MET: variants seen among roughly 807,000 people sequenced by gnomAD.
MET encodes the protein hepatocyte growth factor receptor.
In MET, 48 loss-of-function variants were observed where a neutral mutation model predicts 133.1. The ratio of observed to expected loss-of-function variants is 0.36; its 90% confidence interval spans 0.29 to 0.46. The LOEUF is 0.46. Among genes scored for constraint, MET ranks in the 20% least tolerant of loss-of-function variants. MET has a pLI of 1.00. For synonymous variants in MET, 628 were observed against 616.5 expected, an observed-to-expected ratio of 1.02 and a Z score of -0.28; for missense variants, 1,442 against 1,695.9, an observed-to-expected ratio of 0.85 and a Z score of 2.63.
intron 2 of MET, among the ~76,000 whole-genome samples, chr7:116,703,550 A>G (rs1475551041): frequency 2.0e-5 from 3 of 152,138 alleles, no homozygotes; most frequent in Non-Finnish European, 2.9e-5. Context: ...TGTAGGGAGA[A>G]AAAACCCTCA....
At chr7:116,677,035 A>T in intron 1 of MET, among the ~76,000 whole-genome samples, 1 of 149,576 alleles carries the variant, frequency 6.7e-6, no homozygotes, top group East Asian at 2.0e-4. Flanking sequence ...TTTGTTTTGC[A>T]TCCGCCTGGT....
At chr7:116,764,824 G>A (rs763254967) in intron 11 of MET, among the ~76,000 whole-genome samples, 14 of 152,128 alleles carry the variant, frequency 9.2e-5, no homozygotes, top group South Asian at 2.1e-4. Flanking sequence ...CACCTGCCAC[G>A]TGACAGAATA....
chr7:116,775,068 G>A lies in MET; in HGVS notation c.3216G>A (p.Gly1072=), dbSNP rs2117031874. Residue 1072 remains glycine, a synonymous_variant, in exon 15 of 21, where the codon GGG becomes GGA. Coordinates refer to ENST00000397752, the MANE Select transcript of MET (RefSeq NM_000245.4). ...LVQAVQHVVI[G]PSSLIVHFNE... ...AGGCAGTGCAGCATGTAGTGATTGG[G>A]CCCAGTAGCCTGATTGTGCATTTCA... The A allele has an allele frequency of 5.0e-6, 8 of 1,614,166 alleles. No homozygotes were observed. Among genetic ancestry groups the A allele is most frequent in the Non-Finnish European group, 6.8e-6 (8 of 1,180,000 alleles).
intron 9 of MET, among the ~76,000 whole-genome samples, 167 bp downstream of exon 9, chr7:116,758,787 T>C (rs544773980): frequency 2.6e-5 from 4 of 152,216 alleles, no homozygotes; most frequent in Non-Finnish European, 5.9e-5. Flanking sequence ...AGGTTCTGAG[T>C]GTAGTTTGAC....
intron 1 of MET, among the ~76,000 whole-genome samples, chr7:116,680,788 A>G (rs1004457665): frequency 2.0e-5 from 3 of 152,050 alleles, no homozygotes; most frequent in African/African-American, 7.2e-5. Flanking sequence ...AAAAAATTAC[A>G]AAAAGTAGCT....
At chr7:116,741,224 G>C (rs985225244) in intron 5 of MET, 199 bp downstream of exon 5, 8 of 634,206 alleles carry the variant, frequency 1.3e-5, no homozygotes, top group South Asian at 7.4e-5. Context: ...GGGCAGGGAG[G>C]GGGTGGTGTT....
Position 116,763,193 on chromosome 7 carries a change from A to G in MET, c.2508A>G (p.Val836=), listed in dbSNP as rs1322202293. 4 of 1,614,050 alleles carry G rather than the reference A, an allele frequency of 2.5e-6. No homozygotes were observed. Among genetic ancestry groups the G allele is most frequent in the Non-Finnish European group, 2.5e-6 (3 of 1,179,964 alleles). Residue 836 remains valine (V), a synonymous_variant, in exon 11 of 21, where the codon GTA becomes GTG. Transcript: ENST00000397752. ...CCAAATACTTTGATCTCATTTATGTACATAATCCTGTGTTTAAGCCTTTTG... is the reference window on the plus strand; with the variant it reads ...CCAAATACTTTGATCTCATTTATGTGCATAATCCTGTGTTTAAGCCTTTTG... ...ILSKYFDLIY[V]HNPVFKPFEK... is the part of the protein sequence containing the mutation.
At chr7:116,724,619 C>T (rs1231956990) in intron 2 of MET, among the ~76,000 whole-genome samples, 1 of 152,174 alleles carries the variant, frequency 6.6e-6, no homozygotes, top group Non-Finnish European at 1.5e-5. Flanking sequence ...ACCTAAACAT[C>T]CCAAGCAATG....
chr7:116,754,546 T>A (rs1368690531), intron 5 of MET, among the ~76,000 whole-genome samples: 1 of 151,986 alleles, frequency 6.6e-6, no homozygotes, highest in Admixed American at 6.6e-5. Context: ...AAGGGCCAGG[T>A]CCAATGGCTC....
intron 11 of MET, among the ~76,000 whole-genome samples, chr7:116,766,713 C>G (rs1042343576): frequency 6.6e-5 from 10 of 152,016 alleles, no homozygotes; most frequent in Admixed American, 5.2e-4. Flanking sequence ...TTTGTGCTGC[C>G]CAGGTTAATG....
Position 116,798,160 on chromosome 7 carries a change from AC to A in MET, c.*2037del. 1 of 216,446 alleles carries A rather than the reference AC, an allele frequency of 4.6e-6. No individual in the cohort carries two copies. 13.4% of individuals were successfully genotyped at this position (216,446 alleles called of 1,614,324 possible). A position where few individuals can be genotyped will look rare whatever the true frequency, so the allele number is the denominator to read the frequency against. On this transcript the variant is annotated 3_prime_UTR_variant, in exon 21 of 21. Coordinates refer to ENST00000397752, the MANE Select transcript of MET (RefSeq NM_000245.4). ...AAACATCCCATCAACAGGACTACAC[AC>A]TTGTATATACATTCTTGAGAACACT...
At chr7:116,712,811 T>C (rs868272311) in intron 2 of MET, among the ~76,000 whole-genome samples, 7 of 152,154 alleles carry the variant, frequency 4.6e-5, no homozygotes, top group Admixed American at 2.6e-4. Context: ...GGTGAATAGA[T>C]AGGAATTCCA....
intron 5 of MET, among the ~76,000 whole-genome samples, chr7:116,741,576 A>G (rs1311477661): frequency 1.3e-5 from 2 of 152,306 alleles, no homozygotes; most frequent in East Asian, 1.9e-4. Flanking sequence ...CGATGCATAG[A>G]TGGTGGCCTT....
intron 3 of MET, among the ~76,000 whole-genome samples, chr7:116,732,444 C>A (rs558811815): frequency 6.6e-6 from 1 of 152,250 alleles, no homozygotes; most frequent in South Asian, 2.1e-4. Flanking sequence ...TTCTGTACAA[C>A]AAAAGTTTCC....
intron 3 of MET, among the ~76,000 whole-genome samples, chr7:116,736,485 C>A (rs768681640): frequency 6.6e-6 from 1 of 151,938 alleles, no homozygotes; most frequent in Non-Finnish European, 1.5e-5. Context: ...ATTAATAAAA[C>A]GGTTTAATTA....
intron 14 of MET, among the ~76,000 whole-genome samples, chr7:116,773,201 G>A (rs1794888226): frequency 6.6e-6 from 1 of 152,118 alleles, no homozygotes; most frequent in Non-Finnish European, 1.5e-5. Context: ...AAAGAAAACA[G>A]GTAAAAGAGG....
chr7:116,688,797 T>C (rs1172986259), intron 1 of MET, among the ~76,000 whole-genome samples: 2 of 152,220 alleles, frequency 1.3e-5, no homozygotes, highest in African/African-American at 4.8e-5. Context: ...AAATGCACAA[T>C]TGGCTTTTTC....
At chr7:116,740,177 T>G in intron 4 of MET, 93 bp downstream of exon 4, 1 of 1,435,742 alleles carries the variant, frequency 7.0e-7, no homozygotes, top group Non-Finnish European at 9.8e-7. Context: ...AATGTCTCTC[T>G]TCATCTTAAA....
chr7:116,698,255 T>A (rs1330072532), intron 1 of MET, among the ~76,000 whole-genome samples: 3 of 152,246 alleles, frequency 2.0e-5, no homozygotes, highest in African/African-American at 7.2e-5. Flanking sequence ...AAATACTGTC[T>A]ATATGCATAC....
Sources: gnomAD v4.1 joint callset for allele counts (sites outside exome capture counted in the v4.1 genomes callset) on GRCh38, gnomAD v4.1.1 for gene constraint, MANE v1.5 for transcripts, NCBI Gene and HGNC (gene_info 2026-07-23, HGNC 2026-07-21) for gene names.